Variants in OR7E24 observed in about 807,000 individuals in gnomAD.
The protein encoded by OR7E24 is olfactory receptor family 7 subfamily E member 24, also known as olfactory receptor 7E24.
For missense variants in OR7E24, 385 were observed against 410.3 expected (o/e 0.94, Z 0.53); for synonymous variants, 130 against 157.5 (o/e 0.83, Z 1.31).
chr19:9,234,653 A>G, the OR7E24 span, among the ~76,000 whole-genome samples: 3 of 152,192 alleles, frequency 2.0e-5, no homozygotes, highest in Middle Eastern at 3.2e-3. Flanking sequence ...ATTATTATGT[A>G]TTCTATGCAT....
At chr19:9,216,676 C>G in the OR7E24 span, among the ~76,000 whole-genome samples, 4 of 152,114 alleles carry the variant, frequency 2.6e-5, no homozygotes, top group African/African-American at 9.7e-5. Context: ...ACTGCAACCT[C>G]TGCCTCCTGG....
chr19:9,225,753 CTGCGT>C, the OR7E24 span, among the ~76,000 whole-genome samples: 1 of 152,190 alleles, frequency 6.6e-6, no homozygotes, highest in South Asian at 2.1e-4. Context: ...GTCATGGATG[CTGCGT>C]TGCATTCCTT....
At chr19:9,230,950 G>A in the OR7E24 span, among the ~76,000 whole-genome samples, 1 of 151,940 alleles carries the variant, frequency 6.6e-6, no homozygotes, top group Non-Finnish European at 1.5e-5. Context: ...CTTGCTCTGT[G>A]GCCCAGGCTA....
At chr19:9,239,124 C>G in the OR7E24 span, among the ~76,000 whole-genome samples, 1 of 152,028 alleles carries the variant, frequency 6.6e-6, no homozygotes, top group Admixed American at 6.6e-5. Flanking sequence ...TTCCAACCAA[C>G]AGTATGCAAT....
the OR7E24 span, chr19:9,208,910 T>A: frequency 6.6e-6 from 1 of 152,292 alleles, no homozygotes. Context: ...CAGGCTGGTC[T>A]CGAACTCCTG....
chr19:9,219,799 T>C, the OR7E24 span, among the ~76,000 whole-genome samples: 2 of 152,238 alleles, frequency 1.3e-5, no homozygotes, highest in Non-Finnish European at 2.9e-5. Flanking sequence ...CAGTTAATTT[T>C]GTGATGAAAT....
At chr19:9,213,553 TA>T in the OR7E24 span, 77 of 258,776 alleles carry the variant, frequency 3.0e-4, no homozygotes, top group East Asian at 7.8e-3. Context: ...GCCTGAACAG[TA>T]TGGTGGAACC....
the OR7E24 span, among the ~76,000 whole-genome samples, chr19:9,222,292 C>T: frequency 6.6e-6 from 1 of 152,100 alleles, no homozygotes; most frequent in Non-Finnish European, 1.5e-5. Flanking sequence ...ATTGCTTTAG[C>T]TATTTGGTGT....
Position 9,252,232 on chromosome 19 carries a change from A to G in OR7E24, c.*169A>G. The stretch of plus-strand genomic sequence containing the variant: ...AGTATTCTGGTATCCTTTGTTCATC[A>G]TACACATCATGAATGATTCCAATAT... On this transcript the variant is annotated 3_prime_UTR_variant, in exon 1 of 1. Transcript: ENST00000456448. The G allele has an allele frequency of 1.7e-6, 1 of 590,388 alleles. No homozygotes were observed. Among genetic ancestry groups the G allele is most frequent in the Non-Finnish European group, 3.0e-6 (1 of 336,058 alleles). 36.6% of individuals were successfully genotyped at this position (590,388 alleles called of 1,614,324 possible).
chr19:9,214,316 A>T, the OR7E24 span: 1 of 1,614,160 alleles, frequency 6.2e-7, no homozygotes. Context: ...AGAAATGCGG[A>T]ATCTCAGTGC....
chr19:9,248,862 TGAA>T (rs61573408), upstream of OR7E24, among the ~76,000 whole-genome samples: 221 of 152,308 alleles, frequency 1.5e-3, no homozygotes, highest in African/African-American at 4.9e-3. Flanking sequence ...TGGGAAACAA[TGAA>T]GAAGTTTAGT....
chr19:9,214,363 G>A, the OR7E24 span: 2 of 1,614,124 alleles, frequency 1.2e-6, no homozygotes, highest in Non-Finnish European at 1.7e-6. Flanking sequence ...AGTAGAATAT[G>A]AACCAGGGAG....
the OR7E24 span, among the ~76,000 whole-genome samples, chr19:9,224,609 C>A: frequency 2.0e-5 from 3 of 151,786 alleles, no homozygotes; most frequent in Non-Finnish European, 2.9e-5. Context: ...ATAAAAAATA[C>A]AAAAAATTAA....
At chr19:9,210,104 C>T in the OR7E24 span, 1 of 152,226 alleles carries the variant, frequency 6.6e-6, no homozygotes, top group Non-Finnish European at 1.5e-5. Flanking sequence ...CCAGCATCTT[C>T]CGATCCAATC....
the OR7E24 span, chr19:9,235,585 TC>T: frequency 6.4e-7 from 1 of 1,557,004 alleles, no homozygotes; most frequent in African/African-American, 1.4e-5. Context: ...GGTTCTGGCA[TC>T]TTGGTTCATC....
rs369434041 is a variant in OR7E24, at chr19:9,251,986, A to G, written c.943A>G (p.Ile315Val). ...PFIYSLRNKD[I>V]QSALCRLHGR... ...CATCTACAGCCTGAGGAACAAGGAC[A>G]TTCAAAGTGCCCTGTGCAGGCTGCA... Residue 315 changes from isoleucine (I) to valine (V), a missense_variant, in exon 1 of 1, where the codon ATT (isoleucine) becomes GTT (valine). Transcript: ENST00000456448. 2 of 1,614,082 alleles carry G rather than the reference A, an allele frequency of 1.2e-6. No individual in the cohort carries two copies. The highest frequency in any genetic ancestry group is 3.3e-5 in the Admixed American group (2 of 60,006).
At chr19:9,214,278 A>G in the OR7E24 span, 6 of 1,614,022 alleles carry the variant, frequency 3.7e-6, no homozygotes, top group African/African-American at 1.3e-5. Context: ...AGAGCAGGCC[A>G]CCTTGAGGAC....
chr19:9,249,677 G>A (rs576677812), upstream of OR7E24, among the ~76,000 whole-genome samples: 1 of 152,254 alleles, frequency 6.6e-6, no homozygotes. Context: ...CCTTGGCCAG[G>A]CACAGTGGCT....
the OR7E24 span, among the ~76,000 whole-genome samples, chr19:9,231,839 CT>C: frequency 1.3e-4 from 19 of 151,978 alleles, no homozygotes; most frequent in Non-Finnish European, 2.5e-4. Flanking sequence ...TTTTATTTAA[CT>C]TTACTGTTCA....
Sources: allele counts gnomAD v4.1 joint callset (sites outside exome capture counted in the v4.1 genomes callset), GRCh38; gene constraint gnomAD v4.1.1; transcripts MANE v1.5; gene names NCBI Gene and HGNC (gene_info 2026-07-23, HGNC 2026-07-21).